ERLIN1: variants seen among roughly 807,000 people sequenced by gnomAD.
The protein encoded by ERLIN1 is erlin-1.
In ERLIN1, 24 loss-of-function variants were observed where a neutral mutation model predicts 46.9. The observed-to-expected ratio is 0.51, with a 90% CI of 0.37 to 0.72. ERLIN1 has a LOEUF of 0.72. ERLIN1 is among the 30% of genes least tolerant of loss of function. The probability of loss-of-function intolerance (pLI) is 0.00; values close to 1 mark genes in which losing one functional copy is unlikely to be tolerated. For missense variants in ERLIN1, 293 were observed against 417.9 expected (o/e 0.70, Z 2.61); for synonymous variants, 158 against 143.2 (o/e 1.10, Z -0.74).
At chr10:100,171,115 T>C (rs1843968206) in intron 6 of ERLIN1, among the ~76,000 whole-genome samples, 2 of 152,198 alleles carry the variant, frequency 1.3e-5, no homozygotes, top group South Asian at 4.1e-4. Flanking sequence ...TTTTATAATT[T>C]CTAATTTTAA....
intron 8 of ERLIN1, among the ~76,000 whole-genome samples, chr10:100,159,832 T>A (rs1368719186): frequency 7.3e-6 from 1 of 137,770 alleles, no homozygotes; most frequent in African/African-American, 2.7e-5. Context: ...AACTTAACTA[T>A]CCAACTCAAG....
At chr10:100,164,565 A>G (rs12411559) in intron 7 of ERLIN1, among the ~76,000 whole-genome samples, 1 of 152,224 alleles carries the variant, frequency 6.6e-6, no homozygotes, top group Admixed American at 6.5e-5. Flanking sequence ...TGCAGTGACC[A>G]TATTTGTTGC....
chr10:100,175,798 TA>T (rs1844261349), intron 5 of ERLIN1, 146 bp downstream of exon 5: 4 of 568,902 alleles, frequency 7.0e-6, no homozygotes, highest in Non-Finnish European at 1.1e-5. Flanking sequence ...AAACTTAAGA[TA>T]AAAAATATTT....
At chr10:100,164,250 T>A (rs976456099) in intron 7 of ERLIN1, among the ~76,000 whole-genome samples, 155 bp from the exon 8 acceptor site, 2 of 152,240 alleles carry the variant, frequency 1.3e-5, no homozygotes, top group East Asian at 3.8e-4. Context: ...TTTATTTTAC[T>A]TATAATAAAT....
At chr10:100,163,857 A>G (rs1271703337) in intron 8 of ERLIN1, 147 bp downstream of exon 8, 1 of 606,086 alleles carries the variant, frequency 1.6e-6, no homozygotes, top group Non-Finnish European at 2.9e-6. Flanking sequence ...AAGGCTTTAG[A>G]ACATCTGAAT....
chr10:100,183,659 G>T, intron 2 of ERLIN1, 97 bp downstream of exon 2: 1 of 746,620 alleles, frequency 1.3e-6, no homozygotes, highest in Non-Finnish European at 2.3e-6. Flanking sequence ...ACCACCATCT[G>T]CTTAAGCAAT....
chr10:100,161,111 G>T (rs550563087), intron 8 of ERLIN1, among the ~76,000 whole-genome samples: 123 of 152,278 alleles, frequency 8.1e-4, no homozygotes, highest in African/African-American at 2.8e-3. Context: ...ACTGTACTTA[G>T]AAGTCATAGC....
At chr10:100,154,132 C>A (rs1387761912) in intron 10 of ERLIN1, among the ~76,000 whole-genome samples, 1 of 152,134 alleles carries the variant, frequency 6.6e-6, no homozygotes, top group Non-Finnish European at 1.5e-5. Context: ...CTTGGACATA[C>A]CCTTCCCTTC....
rs1469682900 is a variant in ERLIN1, at chr10:100,152,138, GTGCTCTCTTTGTTT to G, written c.1026_1039del (p.Gln342HisfsTer20). 1.2e-6 allele frequency: 2 copies of G among 1,606,680 alleles called. No homozygotes were observed. On this transcript the variant is annotated frameshift_variant, in exon 11 of 11. Coordinates refer to ENST00000421367, the MANE Select transcript of ERLIN1 (RefSeq NM_006459.4). LOFTEE classifies it high-confidence loss of function. ...ACATTTCCACCTCTTGCATCAACCT[GTGCTCTCTTTGTTT>G]TGGATGACGTTCTCTCCAGAGGGTT...
At chr10:100,183,653 C>A in intron 2 of ERLIN1, 103 bp downstream of exon 2, 1 of 691,070 alleles carries the variant, frequency 1.4e-6, no homozygotes, top group Non-Finnish European at 2.5e-6. Flanking sequence ...GTAAATACCA[C>A]CATCTGCTTA....
intron 7 of ERLIN1, among the ~76,000 whole-genome samples, chr10:100,164,546 G>A (rs117527803): frequency 0.028 from 4,201 of 152,304 alleles, 99 homozygotes; most frequent in Non-Finnish European, 0.046. Context: ...CCTCAGGTGG[G>A]CACCCATGTG....
In ERLIN1 at chr10:100,174,215, G is replaced by A. The variant is rs1319462052; in HGVS notation, c.497C>T (p.Thr166Ile). The A allele has an allele frequency of 6.4e-6, 10 of 1,560,552 alleles. No individual in the cohort carries two copies. Among genetic ancestry groups the A allele is most frequent in the Non-Finnish European group, 8.7e-6 (10 of 1,149,806 alleles). ...KDLNLMAPGL[T>I]IQAVRVTKPK... The stretch of plus-strand genomic sequence containing the variant: ...CCTAGGAAAAGAACTTACCTGTATA[G>A]TGAGACCTGGGGCCATGAGGTTTAA... The change falls in exon 6 of 11, where the codon ACT becomes ATT. Residue 166 changes from threonine to isoleucine, a missense_variant. Coordinates refer to ENST00000421367, the MANE Select transcript of ERLIN1 (RefSeq NM_006459.4).
intron 7 of ERLIN1, among the ~76,000 whole-genome samples, chr10:100,165,594 G>T (rs965097201): frequency 2.6e-5 from 4 of 151,966 alleles, no homozygotes; most frequent in Non-Finnish European, 5.9e-5. Context: ...CATTGTGTTA[G>T]CTAGGATGGT....
At position 100,151,770 on chromosome 10, in the gene ERLIN1, C is replaced by T. The variant is rs895249607; in HGVS notation, c.*361G>A. The T allele has an allele frequency of 6.4e-5, 21 of 327,654 alleles. No homozygotes were observed. The highest frequency in any genetic ancestry group is 1.1e-4 in the Non-Finnish European group (18 of 167,436). 20.3% of individuals were successfully genotyped at this position (327,654 alleles called of 1,614,324 possible). ...AATGGTGGCTGAGCATACATTTCCC[C>T]GGGGGACGAATGTAAACATTATTCA... On this transcript the variant is annotated 3_prime_UTR_variant, in exon 11 of 11. Coordinates refer to ENST00000421367, the MANE Select transcript of ERLIN1 (RefSeq NM_006459.4).
At chr10:100,155,045 T>A in intron 9 of ERLIN1, 106 bp from the exon 10 acceptor site, 2 of 936,038 alleles carry the variant, frequency 2.1e-6, no homozygotes, top group Admixed American at 2.3e-5. Flanking sequence ...TTGAAAGTTT[T>A]AAAAACCTAT....
intron 6 of ERLIN1, among the ~76,000 whole-genome samples, chr10:100,173,936 T>C (rs753066812): frequency 2.2e-4 from 34 of 152,220 alleles, no homozygotes; most frequent in Non-Finnish European, 4.1e-4. Flanking sequence ...ACCATTACTG[T>C]ATCTTAATGC....
At chr10:100,184,379 G>A (rs751946479) in intron 1 of ERLIN1, among the ~76,000 whole-genome samples, 22 of 152,090 alleles carry the variant, frequency 1.4e-4, no homozygotes, top group Non-Finnish European at 3.1e-4. Flanking sequence ...GATGAAGGGT[G>A]ACAAGACTAT....
rs1489709781 is a variant in ERLIN1 at position 100,185,944 on chromosome 10, C to A, written c.-318G>T. 8.6e-6 allele frequency: 4 copies of A among 467,688 alleles called. No homozygotes were observed. The East Asian group carries it at 1.4e-4, about 16-fold the overall frequency. The allele number at this position is 467,688 out of a possible 1,614,324, so 29.0% of individuals were successfully genotyped here. A position where few individuals can be genotyped will look rare whatever the true frequency, so the allele number is the denominator to read the frequency against. On this transcript the variant is annotated 5_prime_UTR_variant, in exon 1 of 11. Transcript: ENST00000421367. ...CCGCAGGCTCGCGAGGAAAGCCGAC[C>A]CCTCGGCCGCGCCTCACCGATCAGT...
chr10:100,179,333 G>T, intron 2 of ERLIN1, 86 bp from the exon 3 acceptor site: 1 of 883,778 alleles, frequency 1.1e-6, no homozygotes, highest in South Asian at 1.4e-5. Context: ...CTGGAAAGCT[G>T]CTGACAGTAA....
Sources: gnomAD v4.1 joint callset for allele counts (sites outside exome capture counted in the v4.1 genomes callset) on GRCh38, gnomAD v4.1.1 for gene constraint, MANE v1.5 for transcripts, NCBI Gene and HGNC (gene_info 2026-07-23, HGNC 2026-07-21) for gene names.